TMEM217: variants seen among roughly 807,000 people sequenced by gnomAD.
The protein encoded by TMEM217 is transmembrane protein 217, also known as chromosome 6 open reading frame 128.
For synonymous variants in TMEM217, 76 were observed against 88.3 expected (o/e 0.86, Z 0.78); for missense variants, 204 against 248.8 (o/e 0.82, Z 1.21).
At chr6:37,222,581 AG>A (rs1365027810) in intron 1 of TMEM217, among the ~76,000 whole-genome samples, 4 of 152,184 alleles carry the variant, frequency 2.6e-5, no homozygotes, top group Non-Finnish European at 5.9e-5. Flanking sequence ...TGGGAGGCCC[AG>A]GTCTGCAGCC....
At chr6:37,236,569 T>C (rs113339691) in intron 1 of TMEM217, among the ~76,000 whole-genome samples, 114 of 152,290 alleles carry the variant, frequency 7.5e-4, no homozygotes, top group African/African-American at 2.6e-3. Flanking sequence ...GCAAGTCAAA[T>C]GCCCAGGCTT....
intron 1 of TMEM217, among the ~76,000 whole-genome samples, chr6:37,244,575 C>T (rs1190875694): frequency 6.6e-6 from 1 of 152,208 alleles, no homozygotes; most frequent in Non-Finnish European, 1.5e-5. Context: ...TCAGAGCAAG[C>T]AACAAGTGCC....
At chr6:37,252,254 A>G (rs1765436487) in intron 1 of TMEM217, among the ~76,000 whole-genome samples, 1 of 152,236 alleles carries the variant, frequency 6.6e-6, no homozygotes. Flanking sequence ...CATGACATGT[A>G]ACATAAAGTT....
At chr6:37,257,606 G>T (rs1765831501) in exon 1 of TMEM217, 3 of 402,362 alleles carry the variant, frequency 7.5e-6, no homozygotes, top group Middle Eastern at 6.5e-4. Context: ...TTTGAGCCCC[G>T]CCTCTCGGCT....
At position 37,218,636 on chromosome 6, in the gene TMEM217, A is replaced by C. The variant is rs752128259; in HGVS notation, c.395T>G (p.Leu132Trp). 6.2e-7 allele frequency: 1 copy of C among 1,614,076 alleles called. No homozygotes were observed. Among genetic ancestry groups the C allele is most frequent in the African/African-American group, 1.3e-5 (1 of 74,912 alleles). The change falls in exon 2 of 2, where the codon TTG (leucine) becomes TGG (tryptophan). Residue 132 changes from leucine (L) to tryptophan (W), a missense_variant. Transcript: ENST00000357219. Reference sequence around the variant, plus strand: ...ACAGTGCATGACTGTACGAGACACCAAGCCAAACCAGCGCATGATTCTGAC... The same window carrying C: ...ACAGTGCATGACTGTACGAGACACCCAGCCAAACCAGCGCATGATTCTGAC...
intron 1 of TMEM217, among the ~76,000 whole-genome samples, chr6:37,224,040 G>A (rs1445276753): frequency 6.7e-5 from 10 of 150,258 alleles, no homozygotes; most frequent in African/African-American, 2.0e-4. Flanking sequence ...GGGTTCAAGC[G>A]ATTCTCCTGC....
downstream of TMEM217, among the ~76,000 whole-genome samples, chr6:37,213,889 T>G (rs1763043676): frequency 6.6e-6 from 1 of 152,168 alleles, no homozygotes; most frequent in Non-Finnish European, 1.5e-5. Flanking sequence ...ACCTCTGTTG[T>G]GGGGCAAAGG....
At chr6:37,240,354 T>C (rs1176690305) in intron 1 of TMEM217, among the ~76,000 whole-genome samples, 1 of 152,198 alleles carries the variant, frequency 6.6e-6, no homozygotes, top group East Asian at 1.9e-4. Flanking sequence ...CCAAGCTCGC[T>C]CTCTCTGACT....
At chr6:37,229,335 G>GCTTTTTTTT (rs762059062) in intron 1 of TMEM217, among the ~76,000 whole-genome samples, 1 of 74,368 alleles carries the variant, frequency 1.3e-5, no homozygotes, top group Admixed American at 2.3e-4. Flanking sequence ...GCAACTTTCA[G>GCTTTTTTTT]TTTTTTTTTT....
intron 1 of TMEM217, among the ~76,000 whole-genome samples, chr6:37,235,032 TA>T (rs959633984): frequency 3.9e-5 from 6 of 152,218 alleles, no homozygotes; most frequent in African/African-American, 1.4e-4. Context: ...TGTGGCTTTT[TA>T]AAAAACACAG....
At chr6:37,239,166 A>T (rs756379603) in intron 1 of TMEM217, among the ~76,000 whole-genome samples, 2 of 152,048 alleles carry the variant, frequency 1.3e-5, no homozygotes, top group Non-Finnish European at 2.9e-5. Flanking sequence ...AATAAGTATT[A>T]AAAATTATTT....
At chr6:37,229,444 T>C (rs925712452) in intron 1 of TMEM217, among the ~76,000 whole-genome samples, 1 of 147,980 alleles carries the variant, frequency 6.8e-6, no homozygotes, top group Non-Finnish European at 1.5e-5. Flanking sequence ...CCGGGTTCAC[T>C]CTATTCTCCT....
chr6:37,212,205 C>T (rs1762946874), exon 4 of TMEM217: 1 of 321,228 alleles, frequency 3.1e-6, no homozygotes, highest in Non-Finnish European at 6.1e-6. Flanking sequence ...CACAAGGCCA[C>T]ATATCATTAA....
rs1033363856 is a variant in TMEM217, at chr6:37,224,235, G to A, written c.-11-5194C>T. Among the ~76,000 whole-genome samples, 29 of 150,312 alleles carry A rather than the reference G, an allele frequency of 1.9e-4. 1 individual carries two copies. The highest frequency in any genetic ancestry group is 1.3e-3 in the South Asian group (6 of 4,638). The stretch of plus-strand genomic sequence containing the variant: ...ATTACAGGCGTGAGCCACCGCGCCC[G>A]GCCTCTGCCTCAGCCTTTTAACTAG... On this transcript the variant is annotated intron_variant, in intron 1 of 1. Coordinates refer to ENST00000357219, the Ensembl canonical transcript of TMEM217.
chr6:37,212,903 T>A, downstream of TMEM217: 1 of 1,544,562 alleles, frequency 6.5e-7, no homozygotes, highest in Non-Finnish European at 8.8e-7. Context: ...AGGTCAAAGA[T>A]GAAGAACTGG....
intron 1 of TMEM217, among the ~76,000 whole-genome samples, chr6:37,245,800 CTTTCTT>C (rs1315041445): frequency 0.017 from 1,099 of 65,434 alleles, 8 homozygotes; most frequent in African/African-American, 0.038. Context: ...TTCTTTCTTT[CTTTCTT>C]TTTTTTTTTT....
At chr6:37,236,777 C>T (rs998937341) in intron 1 of TMEM217, among the ~76,000 whole-genome samples, 1 of 152,086 alleles carries the variant, frequency 6.6e-6, no homozygotes, top group Non-Finnish European at 1.5e-5. Context: ...TCAGACAGAG[C>T]ACAGTTAGCT....
intron 1 of TMEM217, among the ~76,000 whole-genome samples, chr6:37,219,966 C>A (rs1763418477): frequency 6.6e-6 from 1 of 152,094 alleles, no homozygotes; most frequent in Non-Finnish European, 1.5e-5. Context: ...GTGAAAGATG[C>A]ATACTTTAAA....
chr6:37,247,604 T>G (rs564874653), intron 1 of TMEM217, among the ~76,000 whole-genome samples: 4 of 152,126 alleles, frequency 2.6e-5, no homozygotes, highest in Admixed American at 1.3e-4. Flanking sequence ...GCCAGGATGG[T>G]CTCGATCTCC....
Sources: allele counts gnomAD v4.1 joint callset (sites outside exome capture counted in the v4.1 genomes callset), GRCh38; gene constraint gnomAD v4.1.1; transcripts MANE v1.5; gene names NCBI Gene and HGNC (gene_info 2026-07-23, HGNC 2026-07-21).